Variants in ADGRL2 observed in about 807,000 individuals in gnomAD.
ADGRL2 encodes calcium-independent alpha-latrotoxin receptor 2.
Under a neutral mutation model 157.4 loss-of-function variants are expected in ADGRL2, and 44 were observed. That is an observed-to-expected ratio of 0.28 (90% CI 0.22 to 0.36). The LOEUF (loss-of-function observed/expected upper bound fraction) is 0.36. Ranked by LOEUF, ADGRL2 falls within the 10% of genes least tolerant of loss-of-function variation. The probability of loss-of-function intolerance (pLI) is 1.00; values close to 1 mark genes in which losing one functional copy is unlikely to be tolerated. For missense variants in ADGRL2, 1,510 were observed against 1,768.9 expected (o/e 0.85, Z 2.63); for synonymous variants, 585 against 624.7 (o/e 0.94, Z 0.95).
intron 1 of ADGRL2, among the ~76,000 whole-genome samples, chr1:81,732,959 C>T (rs757018990): frequency 5.3e-5 from 8 of 152,106 alleles, no homozygotes; most frequent in Non-Finnish European, 8.8e-5. Flanking sequence ...TAATCTAAAT[C>T]CTCTATGCCT....
At chr1:81,757,713 T>A (rs78106284) in intron 1 of ADGRL2, among the ~76,000 whole-genome samples, 1 of 152,228 alleles carries the variant, frequency 6.6e-6, no homozygotes, top group Admixed American at 6.5e-5. Flanking sequence ...TTAAAGTTAA[T>A]TTGGCTGAAG....
At chr1:81,707,167 T>C (rs1369732546) in intron 1 of ADGRL2, among the ~76,000 whole-genome samples, 1 of 152,106 alleles carries the variant, frequency 6.6e-6, no homozygotes, top group East Asian at 1.9e-4. Flanking sequence ...TGGCGGTTAA[T>C]GGGGAAAAAC....
At chr1:81,632,524 C>T (rs937623423) in intron 3 of ADGRL2, among the ~76,000 whole-genome samples, 1 of 151,862 alleles carries the variant, frequency 6.6e-6, no homozygotes, top group Admixed American at 6.6e-5. Flanking sequence ...TTTGGGAGGC[C>T]GAGGCGGGCA....
intron 2 of ADGRL2, among the ~76,000 whole-genome samples, chr1:81,555,265 C>CT (rs71666308): frequency 0.14 from 16,160 of 115,876 alleles, 1,159 homozygotes; most frequent in South Asian, 0.17. Flanking sequence ...TATTTCTTTT[C>CT]TTTTTTTTTT....
intron 2 of ADGRL2, among the ~76,000 whole-genome samples, chr1:81,451,000 C>T (rs915749799): frequency 3.9e-5 from 6 of 152,126 alleles, no homozygotes; most frequent in African/African-American, 1.4e-4. Context: ...TCTTTACTTT[C>T]AAATTTAAGG....
rs544564529 is a variant in ADGRL2, at chr1:81,763,824, T to C, written c.-101+1972T>C. Among the ~76,000 whole-genome samples, 4 of 152,022 alleles carry C rather than the reference T, an allele frequency of 2.6e-5. No homozygotes were observed. The South Asian group carries it at 8.3e-4, about 32-fold the overall frequency. ...GAGTTCGAGATCAGCCTGGCTAACA[T>C]GGTGAAACCCCGTCTCTACTAAATA... On this transcript the variant is annotated intron_variant, in intron 2 of 20. Coordinates refer to the ADGRL2 transcript ENST00000359929.
Position 81,372,542 on chromosome 1 carries a change from A to C in ADGRL2, c.-302+66033A>C, listed in dbSNP as rs188414304. ...TTATAATTCAGCATAAGTAAGTTTC[A>C]CAGTTTTACCTCATCAGATGTTTTT... is the stretch of plus-strand genomic sequence containing the variant. On this transcript the variant is annotated intron_variant, in intron 1 of 24. Coordinates refer to the ADGRL2 transcript ENST00000370721. Among the ~76,000 whole-genome samples the C allele has an allele frequency of 1.3e-4, 20 of 152,332 alleles. No individual in the cohort carries two copies. In the East Asian group the frequency reaches 3.7e-3, roughly 28 times the overall value.
chr1:81,799,970 CCT>C (rs551554915), upstream of ADGRL2, among the ~76,000 whole-genome samples: 26 of 152,204 alleles, frequency 1.7e-4, no homozygotes, highest in African/African-American at 5.5e-4. Context: ...CGTGATTCGC[CCT>C]GTCCTGCTCT....
intron 3 of ADGRL2, among the ~76,000 whole-genome samples, chr1:81,663,554 T>A (rs1290172498): frequency 6.6e-6 from 1 of 152,176 alleles, no homozygotes; most frequent in Non-Finnish European, 1.5e-5. Flanking sequence ...AAAGAGGAAG[T>A]TTTCCTTGCC....
intron 2 of ADGRL2, among the ~76,000 whole-genome samples, chr1:81,570,893 T>C (rs1055948648): frequency 1.3e-5 from 2 of 152,182 alleles, no homozygotes. Context: ...AAGGTCCAGA[T>C]AGTAAATATT....
intron 3 of ADGRL2, among the ~76,000 whole-genome samples, chr1:81,672,080 A>G (rs2082886872): frequency 6.6e-6 from 1 of 152,236 alleles, no homozygotes; most frequent in African/African-American, 2.4e-5. Flanking sequence ...AGCCTTTCAT[A>G]CTGATTCCTC....
intron 1 of ADGRL2, among the ~76,000 whole-genome samples, chr1:81,432,276 C>T (rs972888284): frequency 2.0e-5 from 3 of 152,138 alleles, no homozygotes; most frequent in Non-Finnish European, 2.9e-5. Flanking sequence ...AACAATAGGG[C>T]GATTGTCAGC....
chr1:81,399,821 A>G (rs1318734431), intron 1 of ADGRL2, among the ~76,000 whole-genome samples: 1 of 152,002 alleles, frequency 6.6e-6, no homozygotes, highest in Non-Finnish European at 1.5e-5. Flanking sequence ...CAGTTATTAT[A>G]TATTTTTGGT....
At chr1:81,396,012 C>A (rs909491224) in intron 1 of ADGRL2, among the ~76,000 whole-genome samples, 2 of 152,096 alleles carry the variant, frequency 1.3e-5, no homozygotes, top group Non-Finnish European at 1.5e-5. Flanking sequence ...TGGTTATTCA[C>A]AGTCTCTTGA....
At chr1:81,306,891 C>T (rs1031246076) in intron 1 of ADGRL2, among the ~76,000 whole-genome samples, 1 of 145,314 alleles carries the variant, frequency 6.9e-6, no homozygotes, top group Admixed American at 7.0e-5. Flanking sequence ...TTTTTTTAAC[C>T]TGGAGCCCTC....
chr1:81,653,021 C>G (rs1293660666), intron 3 of ADGRL2, among the ~76,000 whole-genome samples: 2 of 152,010 alleles, frequency 1.3e-5, no homozygotes, highest in African/African-American at 2.4e-5. Context: ...AACTGCATTC[C>G]CCTGGTGTTA....
At chr1:81,368,960 C>G (rs573345399) in intron 1 of ADGRL2, among the ~76,000 whole-genome samples, 12 of 152,128 alleles carry the variant, frequency 7.9e-5, no homozygotes, top group Non-Finnish European at 1.8e-4. Context: ...ACAATTTCCT[C>G]CTCCTTCTCC....
At chr1:81,770,596 C>T (rs1365974304) in intron 2 of ADGRL2, among the ~76,000 whole-genome samples, 2 of 152,140 alleles carry the variant, frequency 1.3e-5, no homozygotes, top group Admixed American at 6.5e-5. Flanking sequence ...GCCTCAGGCT[C>T]CCGAGTAGCT....
chr1:81,986,266 A>C (rs1347867533), intron 21 of ADGRL2, among the ~76,000 whole-genome samples: 1 of 152,124 alleles, frequency 6.6e-6, no homozygotes, highest in East Asian at 1.9e-4. Context: ...TCAATGATTC[A>C]TTTTTGAAAC....
Sources: allele counts gnomAD v4.1 joint callset (sites outside exome capture counted in the v4.1 genomes callset), GRCh38; gene constraint gnomAD v4.1.1; transcripts MANE v1.5; gene names NCBI Gene and HGNC (gene_info 2026-07-23, HGNC 2026-07-21).